TMEM74: variants seen among roughly 807,000 people sequenced by gnomAD.
The protein encoded by TMEM74 is transmembrane protein 74.
A neutral mutation model predicts 18.1 loss-of-function variants in TMEM74; 13 were observed. The ratio of observed to expected loss-of-function variants is 0.72; its 90% CI spans 0.47 to 1.14. The LOEUF is 1.14. Ranked by LOEUF, TMEM74 falls within the 50% of genes most tolerant of loss-of-function variation. TMEM74 has a pLI of 0.00. For synonymous variants in TMEM74, 159 were observed against 146.6 expected (o/e 1.08, Z -0.61); for missense variants, 372 against 375.9 (o/e 0.99, Z 0.09).
At chr8:108,700,114 G>T (rs191580909) in intron 1 of TMEM74, among the ~76,000 whole-genome samples, 92 of 146,512 alleles carry the variant, frequency 6.3e-4, no homozygotes, top group Admixed American at 9.6e-4. Context: ...TGGATAAACT[G>T]CTCTAGGCCA....
rs1157347556 is a variant in TMEM74 at position 108,745,296 on chromosome 8, C to A, written n.119+42180G>T. Among the ~76,000 whole-genome samples the A allele has an allele frequency of 9.2e-5, 14 of 152,264 alleles. No homozygotes were observed. The East Asian group carries it at 1.7e-3, about 19-fold the overall frequency. The stretch of plus-strand genomic sequence containing the variant: ...CAGGCCTTGCTGGTAATTATGGTCT[C>A]TGTTGTAACTACTTAACTCTGCTGT... On this transcript the variant is annotated intron_variant and non_coding_transcript_variant, in intron 1 of 3. Transcript: ENST00000518838.
intron 2 of TMEM74, among the ~76,000 whole-genome samples, chr8:108,638,061 C>T (rs1812624958): frequency 6.6e-6 from 1 of 152,102 alleles, no homozygotes. Flanking sequence ...GCTGACTGCA[C>T]TTCTACGTGC....
chr8:108,767,090 G>A (rs1375653993), intron 1 of TMEM74, among the ~76,000 whole-genome samples: 2 of 152,086 alleles, frequency 1.3e-5, no homozygotes, highest in Admixed American at 6.5e-5. Context: ...CCTCACAGAC[G>A]CATCCTGGAA....
At chr8:108,683,643 C>T (rs1333464883) in intron 1 of TMEM74, among the ~76,000 whole-genome samples, 3 of 151,866 alleles carry the variant, frequency 2.0e-5, no homozygotes, top group Non-Finnish European at 1.5e-5. Context: ...AGTGATATTT[C>T]GATACATGTA....
chr8:108,758,294 A>G lies in TMEM74; in HGVS notation n.119+29182T>C, dbSNP rs529930443. Among the ~76,000 whole-genome samples, 6 of 152,164 alleles carry G rather than the reference A, an allele frequency of 3.9e-5. No homozygotes were observed. The South Asian group carries it at 1.0e-3, about 26-fold the overall frequency. ...CAAGCATATGAACTGAAACTCTGGC[A>G]TATACCAAAGATCCCTAAAATTTAT... On this transcript the variant is annotated intron_variant and non_coding_transcript_variant, in intron 1 of 3. Transcript: ENST00000518838.
intron 2 of TMEM74, among the ~76,000 whole-genome samples, chr8:108,622,553 C>T (rs915135256): frequency 4.6e-5 from 7 of 152,030 alleles, no homozygotes; most frequent in Admixed American, 3.3e-4. Flanking sequence ...GTTCCTGCTC[C>T]ACTATTTGTG....
At chr8:108,664,620 C>T (rs1457912857) in intron 1 of TMEM74, among the ~76,000 whole-genome samples, 1 of 152,044 alleles carries the variant, frequency 6.6e-6, no homozygotes, top group African/African-American at 2.4e-5. Context: ...AATTGGATGC[C>T]TTTTATTTCT....
At chr8:108,629,852 A>G (rs1025875812) in intron 2 of TMEM74, among the ~76,000 whole-genome samples, 1 of 152,150 alleles carries the variant, frequency 6.6e-6, no homozygotes, top group African/African-American at 2.4e-5. Context: ...TATGGAAATG[A>G]AAAACTGGTA....
chr8:108,614,653 G>A (rs2935779), intron 2 of TMEM74, among the ~76,000 whole-genome samples: 32,159 of 152,050 alleles, frequency 0.21, 3,440 homozygotes, highest in East Asian at 0.27. Context: ...GAGTTGTGTA[G>A]CTGTGGGGGG....
At chr8:108,729,070 T>C (rs1813668934) in intron 1 of TMEM74, among the ~76,000 whole-genome samples, 1 of 152,242 alleles carries the variant, frequency 6.6e-6, no homozygotes, top group Non-Finnish European at 1.5e-5. Context: ...TCATAGTTTT[T>C]TGGGTCCAAA....
chr8:108,742,252 T>C (rs984730023), intron 1 of TMEM74, among the ~76,000 whole-genome samples: 1 of 152,190 alleles, frequency 6.6e-6, no homozygotes, highest in Non-Finnish European at 1.5e-5. Context: ...GACATGAGTT[T>C]ACTTATACAA....
chr8:108,747,516 T>C (rs573865687), intron 1 of TMEM74, among the ~76,000 whole-genome samples: 1 of 152,160 alleles, frequency 6.6e-6, no homozygotes, highest in South Asian at 2.1e-4. Context: ...CTCTATGATC[T>C]CCAGCAGCAG....
At chr8:108,745,537 C>T (rs1202136544) in intron 1 of TMEM74, among the ~76,000 whole-genome samples, 3 of 152,048 alleles carry the variant, frequency 2.0e-5, no homozygotes, top group South Asian at 2.1e-4. Flanking sequence ...ATTTGTCCCA[C>T]GGGTTGTAAT....
At chr8:108,721,591 C>G (rs1813587752) in intron 1 of TMEM74, among the ~76,000 whole-genome samples, 2 of 152,254 alleles carry the variant, frequency 1.3e-5, no homozygotes, top group South Asian at 4.1e-4. Context: ...TAACCATCCT[C>G]ACTCCAGTCA....
intron 1 of TMEM74, among the ~76,000 whole-genome samples, chr8:108,699,647 G>A (rs1024300187): frequency 6.6e-6 from 1 of 152,182 alleles, no homozygotes; most frequent in African/African-American, 2.4e-5. Context: ...TGAGGAGAAG[G>A]AAGCCTGGGT....
At chr8:108,611,909 C>T (rs1812338156) in intron 2 of TMEM74, among the ~76,000 whole-genome samples, 1 of 152,160 alleles carries the variant, frequency 6.6e-6, no homozygotes, top group Non-Finnish European at 1.5e-5. Context: ...TTCTGCATGG[C>T]TTGGAAAGCC....
At chr8:108,757,081 A>T (rs1251062671) in intron 1 of TMEM74, among the ~76,000 whole-genome samples, 1 of 152,124 alleles carries the variant, frequency 6.6e-6, no homozygotes, top group African/African-American at 2.4e-5. Flanking sequence ...ACTATACCCA[A>T]AGGAGAAATA....
chr8:108,775,555 G>A (rs893300263), downstream of TMEM74, among the ~76,000 whole-genome samples: 1 of 152,126 alleles, frequency 6.6e-6, no homozygotes, highest in African/African-American at 2.4e-5. Flanking sequence ...TCCAGCCTGA[G>A]TTGTTTCTTT....
At chr8:108,618,674 G>A (rs145290543) in intron 2 of TMEM74, among the ~76,000 whole-genome samples, 11 of 152,246 alleles carry the variant, frequency 7.2e-5, no homozygotes, top group African/African-American at 1.7e-4. Flanking sequence ...CTACATATTA[G>A]TTGAAGAAGA....
Sources: gnomAD v4.1 joint callset for allele counts (sites outside exome capture counted in the v4.1 genomes callset) on GRCh38, gnomAD v4.1.1 for gene constraint, MANE v1.5 for transcripts, NCBI Gene and HGNC (gene_info 2026-07-23, HGNC 2026-07-21) for gene names.